The following FGFR2 variants were observed in gnomAD, a reference collection of about 807,000 sequenced individuals.
The protein encoded by FGFR2 is BEK fibroblast growth factor receptor.
In FGFR2, 19 loss-of-function variants were observed where a neutral mutation model predicts 95.9. The observed-to-expected ratio is 0.20, with a 90% CI of 0.14 to 0.29. The LOEUF (loss-of-function observed/expected upper bound fraction) is 0.29, where lower values mean the gene tolerates loss of function less well. FGFR2 is among the 10% of genes least tolerant of loss of function. FGFR2 has a pLI of 1.00. For synonymous variants in FGFR2, 392 were observed against 393.3 expected (o/e 1.00, Z 0.04); for missense variants, 707 against 1,056.9 (o/e 0.67, Z 4.59).
At position 121,542,398 on chromosome 10, in the gene FGFR2, T is replaced by C. The variant is rs888742939; in HGVS notation, c.625-3683A>G. On this transcript the variant is annotated intron_variant, in intron 5 of 17. Coordinates refer to ENST00000358487, the MANE Select transcript of FGFR2 (RefSeq NM_000141.5). ...AATCTCAACACACACAACAAAAAAG[T>C]ATAATAAAACAGATCCTTAGATAAT... 7.2e-5 allele frequency among the ~76,000 whole-genome samples: 11 copies of C among 152,212 alleles called. No homozygotes were observed. In the South Asian group the frequency reaches 1.9e-3, roughly 26 times the overall value.
At chr10:121,480,382 C>T (rs566994232) in intron 17 of FGFR2, 102 of 392,856 alleles carry the variant, frequency 2.6e-4, no homozygotes, top group African/African-American at 1.7e-3. Flanking sequence ...CGGCTTCACA[C>T]GGACCTAAAT....
intron 4 of FGFR2, among the ~76,000 whole-genome samples, chr10:121,556,449 G>A (rs1429524309): frequency 7.0e-6 from 1 of 143,578 alleles, no homozygotes; most frequent in East Asian, 2.0e-4. Flanking sequence ...CCAAAAAACA[G>A]AGAACACGGC....
At chr10:121,594,086 T>C in intron 1 of FGFR2, 119 bp from the exon 2 acceptor site, 1 of 563,736 alleles carries the variant, frequency 1.8e-6, no homozygotes, top group African/African-American at 1.9e-5. Context: ...TCTTTTTCAT[T>C]ATCTGCTAAA....
At chr10:121,480,177 G>A (rs1293000459) in intron 17 of FGFR2, 156 bp from the exon 18 acceptor site, 24 of 880,198 alleles carry the variant, frequency 2.7e-5, no homozygotes, top group African/African-American at 1.5e-4. Context: ...GGTATTGGAC[G>A]TGGGACAGGA....
At chr10:121,524,662 G>A (rs1851085644) in intron 6 of FGFR2, among the ~76,000 whole-genome samples, 1 of 152,206 alleles carries the variant, frequency 6.6e-6, no homozygotes, top group African/African-American at 2.4e-5. Context: ...GACAGCGCCT[G>A]GACTCCTTTC....
chr10:121,486,580 T>G (rs1020686195), intron 15 of FGFR2, among the ~76,000 whole-genome samples: 1 of 152,180 alleles, frequency 6.6e-6, no homozygotes, highest in Non-Finnish European at 1.5e-5. Context: ...TAGTGGAGAT[T>G]ACAGACACGC....
chr10:121,559,878 G>A (rs1216950036), intron 4 of FGFR2, among the ~76,000 whole-genome samples: 1 of 152,212 alleles, frequency 6.6e-6, no homozygotes, highest in Non-Finnish European at 1.5e-5. Context: ...CAGCCTGCCT[G>A]TCATGTAATC....
At chr10:121,520,712 G>A (rs537428959) in intron 6 of FGFR2, among the ~76,000 whole-genome samples, 6 of 152,134 alleles carry the variant, frequency 3.9e-5, no homozygotes, top group African/African-American at 7.2e-5. Flanking sequence ...GCATGATCAC[G>A]GCTCACTGCA....
At chr10:121,537,166 C>T (rs1174010997) in intron 6 of FGFR2, among the ~76,000 whole-genome samples, 1 of 152,144 alleles carries the variant, frequency 6.6e-6, no homozygotes, top group Non-Finnish European at 1.5e-5. Context: ...AGCTCTAAAA[C>T]TCACTCTTTT....
At chr10:121,557,896 C>G (rs1004451340) in intron 4 of FGFR2, among the ~76,000 whole-genome samples, 2 of 152,126 alleles carry the variant, frequency 1.3e-5, no homozygotes, top group African/African-American at 4.8e-5. Flanking sequence ...AAAAAATAGC[C>G]TTTCTCCCTG....
chr10:121,536,841 G>A (rs1296668011), intron 6 of FGFR2, among the ~76,000 whole-genome samples: 1 of 152,140 alleles, frequency 6.6e-6, no homozygotes, highest in Non-Finnish European at 1.5e-5. Flanking sequence ...CCAAAAGACT[G>A]CTATAGCTCA....
chr10:121,510,442 G>A (rs150209731), intron 9 of FGFR2, among the ~76,000 whole-genome samples: 37 of 152,300 alleles, frequency 2.4e-4, no homozygotes, highest in African/African-American at 6.0e-4. Context: ...TAAGTCATCC[G>A]TGACCACTCT....
At chr10:121,488,359 G>A (rs914066412) in intron 13 of FGFR2, among the ~76,000 whole-genome samples, 3 of 151,864 alleles carry the variant, frequency 2.0e-5, no homozygotes, top group African/African-American at 4.8e-5. Flanking sequence ...TGGCCAACAC[G>A]GCAAAATCCC....
chr10:121,558,466 T>C (rs879382214), intron 4 of FGFR2, among the ~76,000 whole-genome samples: 3 of 152,184 alleles, frequency 2.0e-5, no homozygotes, highest in Admixed American at 6.5e-5. Flanking sequence ...TGTGAGGTCA[T>C]CAGCTAGTCA....
rs561597310 is a variant in FGFR2 at position 121,481,942 on chromosome 10, C to T, written c.2301+1756G>A. The T allele has an allele frequency of 1.0e-3, 333 of 321,338 alleles. No homozygotes were observed. The highest frequency in any genetic ancestry group is 6.8e-3 in the African/African-American group (315 of 45,994). The allele number at this position is 321,338 out of a possible 1,614,324, so 19.9% of individuals were successfully genotyped here. A position where few individuals can be genotyped will look rare whatever the true frequency, so the allele number is the denominator to read the frequency against. On this transcript the variant is annotated intron_variant, in intron 17 of 17. Transcript: ENST00000358487. ...ACCTCCGCCTCCCCGGTTCAAGTGACTCTCCTGCCTCAGCCTCCCGGAGTA... is the reference window on the plus strand; with the variant it reads ...ACCTCCGCCTCCCCGGTTCAAGTGATTCTCCTGCCTCAGCCTCCCGGAGTA...
rs1845285955 is a variant in FGFR2 at position 121,485,444 on chromosome 10, G to A, written c.2146C>T (p.Leu716=). Residue 716 remains leucine (L), a synonymous_variant, in exon 16 of 18, where the codon CTG becomes TTG. Coordinates refer to ENST00000358487, the MANE Select transcript of FGFR2 (RefSeq NM_000141.5). The surrounding 1 kb of genome is among the most constrained non-coding windows in gnomAD (Gnocchi z 4.2). ...GIPVEELFKL[L]KEGHRMDKPA... is the part of the protein sequence containing the mutation. ...TTATCCATTCTGTGTCCTTCCTTCAGCAGCTTAAAAAGTTCCTCCACGGGA... is the reference window on the plus strand; with the variant it reads ...TTATCCATTCTGTGTCCTTCCTTCAACAGCTTAAAAAGTTCCTCCACGGGA... 1 of 1,614,124 alleles carries A rather than the reference G, an allele frequency of 6.2e-7. No individual in the cohort carries two copies.
intron 2 of FGFR2, chr10:121,583,492 T>C (rs1238888857): frequency 1.3e-5 from 2 of 152,242 alleles, no homozygotes; most frequent in Admixed American, 6.5e-5. Flanking sequence ...GACCACCAAC[T>C]GGGACCCAGT....
At chr10:121,578,836 G>A (rs989823941) in intron 2 of FGFR2, among the ~76,000 whole-genome samples, 5 of 152,210 alleles carry the variant, frequency 3.3e-5, no homozygotes, top group South Asian at 2.1e-4. Flanking sequence ...CTTGAACTTC[G>A]GAGGCAGAGG....
At chr10:121,522,838 C>T (rs567329163) in intron 6 of FGFR2, among the ~76,000 whole-genome samples, 41 of 152,300 alleles carry the variant, frequency 2.7e-4, no homozygotes, top group African/African-American at 9.9e-4. Flanking sequence ...CTACCCTAAC[C>T]TCCAGTGTTA....
Sources: gnomAD v4.1 joint callset for allele counts (sites outside exome capture counted in the v4.1 genomes callset) on GRCh38, gnomAD v4.1.1 for gene constraint, Gnocchi (gnomAD v3.1) non-coding constraint, MANE v1.5 for transcripts, NCBI Gene and HGNC (gene_info 2026-07-23, HGNC 2026-07-21) for gene names.